The following SLC4A10 variants were observed in gnomAD, a reference collection of about 807,000 sequenced individuals.
SLC4A10 encodes the protein sodium-driven chloride bicarbonate exchanger.
In SLC4A10, 42 loss-of-function variants were observed where a neutral mutation model predicts 137.7. The observed-to-expected ratio is 0.30, with a 90% CI of 0.24 to 0.39. The LOEUF (loss-of-function observed/expected upper bound fraction) is 0.39, where lower values mean the gene tolerates loss of function less well. Among genes scored for constraint, SLC4A10 ranks in the 10% least tolerant of loss-of-function variants. SLC4A10 has a pLI of 1.00. For missense variants in SLC4A10, 925 were observed against 1,355.0 expected (o/e 0.68, Z 4.98); for synonymous variants, 474 against 464.1 (o/e 1.02, Z -0.27).
At chr2:161,920,397 G>GA (rs1011086106) in intron 15 of SLC4A10, among the ~76,000 whole-genome samples, 2 of 149,858 alleles carry the variant, frequency 1.3e-5, no homozygotes, top group Admixed American at 6.6e-5. Context: ...CTTAACTCAA[G>GA]AAAAAAAAAG....
At chr2:161,715,026 A>G (rs914093109) in intron 1 of SLC4A10, among the ~76,000 whole-genome samples, 3 of 151,916 alleles carry the variant, frequency 2.0e-5, no homozygotes, top group Admixed American at 6.6e-5. Flanking sequence ...ATCCTATGTA[A>G]ACACAATTTT....
intron 3 of SLC4A10, among the ~76,000 whole-genome samples, chr2:161,828,916 T>A (rs987131027): frequency 8.0e-5 from 12 of 149,948 alleles, no homozygotes; most frequent in Non-Finnish European, 1.8e-4. Context: ...TGCATTATTC[T>A]ATTTCTAAAT....
At chr2:161,822,004 A>G (rs1032316170) in intron 3 of SLC4A10, among the ~76,000 whole-genome samples, 1 of 152,198 alleles carries the variant, frequency 6.6e-6, no homozygotes, top group African/African-American at 2.4e-5. Flanking sequence ...TGCTGCTATC[A>G]TTGTGTTTTA....
intron 1 of SLC4A10, among the ~76,000 whole-genome samples, chr2:161,686,646 AT>A (rs2041437731): frequency 6.6e-6 from 1 of 152,208 alleles, no homozygotes; most frequent in African/African-American, 2.4e-5. Flanking sequence ...ATAGAAAAAT[AT>A]TAGAAATCAT....
chr2:161,681,953 C>A (rs1432863536), intron 1 of SLC4A10, among the ~76,000 whole-genome samples: 2 of 152,120 alleles, frequency 1.3e-5, no homozygotes, highest in African/African-American at 4.8e-5. Context: ...TTTTAAAGTA[C>A]AGTATACATT....
chr2:161,845,234 T>C (rs1047903476), intron 4 of SLC4A10, among the ~76,000 whole-genome samples: 1 of 152,160 alleles, frequency 6.6e-6, no homozygotes, highest in South Asian at 2.1e-4. Flanking sequence ...TATAGTTATG[T>C]ATTTATGTGT....
intron 15 of SLC4A10, among the ~76,000 whole-genome samples, chr2:161,929,316 G>C (rs577399532): frequency 6.6e-6 from 1 of 152,336 alleles, no homozygotes; most frequent in East Asian, 1.9e-4. Flanking sequence ...TCATGACAAT[G>C]CTGGGTTAGG....
intron 1 of SLC4A10, among the ~76,000 whole-genome samples, chr2:161,720,936 C>T (rs2125117842): frequency 6.6e-6 from 1 of 151,926 alleles, no homozygotes; most frequent in Non-Finnish European, 1.5e-5. Flanking sequence ...TCAAGTAATT[C>T]TCCTGCCTCA....
chr2:161,704,336 G>T (rs1256679670), intron 1 of SLC4A10, among the ~76,000 whole-genome samples: 1 of 151,576 alleles, frequency 6.6e-6, no homozygotes, highest in African/African-American at 2.4e-5. Context: ...AATATGCAAA[G>T]CACAGAAGGA....
intron 2 of SLC4A10, among the ~76,000 whole-genome samples, chr2:161,803,906 G>A (rs540588557): frequency 6.6e-6 from 1 of 152,230 alleles, no homozygotes; most frequent in East Asian, 1.9e-4. Flanking sequence ...ATAACAATAT[G>A]CCAGAGTCGA....
At chr2:161,910,132 T>C (rs1685480944) in intron 15 of SLC4A10, among the ~76,000 whole-genome samples, 1 of 152,164 alleles carries the variant, frequency 6.6e-6, no homozygotes, top group African/African-American at 2.4e-5. Flanking sequence ...ATGTTTAGGA[T>C]CTATATTTCA....
intron 2 of SLC4A10, among the ~76,000 whole-genome samples, chr2:161,803,845 A>G (rs1481501833): frequency 1.3e-5 from 2 of 152,182 alleles, no homozygotes; most frequent in African/African-American, 4.8e-5. Context: ...TTAATTTATA[A>G]ATTAGGCACA....
chr2:161,945,485 A>G (rs1304524353), intron 16 of SLC4A10, among the ~76,000 whole-genome samples: 1 of 151,390 alleles, frequency 6.6e-6, no homozygotes, highest in African/African-American at 2.4e-5. Context: ...GTCAACAAGC[A>G]TTTTTTGAGT....
chr2:161,669,798 T>A (rs1264662720), intron 1 of SLC4A10, among the ~76,000 whole-genome samples: 1 of 152,044 alleles, frequency 6.6e-6, no homozygotes, highest in Non-Finnish European at 1.5e-5. Context: ...TGAATTATTA[T>A]TTAGAATACC....
At chr2:161,909,533 A>G (rs1685315444) in intron 15 of SLC4A10, among the ~76,000 whole-genome samples, 1 of 152,180 alleles carries the variant, frequency 6.6e-6, no homozygotes, top group Non-Finnish European at 1.5e-5. Flanking sequence ...TGTGTGTGAC[A>G]GAAACAATGA....
chr2:161,897,824 T>G (rs2063676547), intron 11 of SLC4A10, among the ~76,000 whole-genome samples: 1 of 152,132 alleles, frequency 6.6e-6, no homozygotes, highest in Non-Finnish European at 1.5e-5. Flanking sequence ...ACTCTTTAAT[T>G]AATGTTATTT....
At chr2:161,904,636 A>G (rs1683916718) in intron 13 of SLC4A10, 140 bp from the exon 14 acceptor site, 1 of 929,354 alleles carries the variant, frequency 1.1e-6, no homozygotes, top group African/African-American at 1.7e-5. Flanking sequence ...TCATCCTTCT[A>G]CCCCACGTCT....
At chr2:161,792,768 G>C (rs900611160) in intron 2 of SLC4A10, among the ~76,000 whole-genome samples, 1 of 152,112 alleles carries the variant, frequency 6.6e-6, no homozygotes, top group Non-Finnish European at 1.5e-5. Flanking sequence ...AACACTGAGG[G>C]TGCTGAGCCA....
At chr2:161,951,728 G>A (rs971478720) in intron 19 of SLC4A10, among the ~76,000 whole-genome samples, 1 of 152,034 alleles carries the variant, frequency 6.6e-6, no homozygotes. Context: ...AGGAATGTTA[G>A]AAAGATGAAA....
Sources: allele counts gnomAD v4.1 joint callset (sites outside exome capture counted in the v4.1 genomes callset), GRCh38; gene constraint gnomAD v4.1.1; transcripts MANE v1.5; gene names NCBI Gene and HGNC (gene_info 2026-07-23, HGNC 2026-07-21).